Variants in CPAP observed in about 807,000 individuals in gnomAD.
CPAP encodes centrosomal P4.1-associated protein.
the CPAP span, chr13:24,899,360 G>T: frequency 1.5e-6 from 2 of 1,345,890 alleles, no homozygotes; most frequent in Non-Finnish European, 2.1e-6. Flanking sequence ...ACTCTGAGAT[G>T]CTTACAAGAT....
the CPAP span, among the ~76,000 whole-genome samples, chr13:24,923,272 C>T: frequency 6.6e-6 from 1 of 150,466 alleles, no homozygotes; most frequent in Non-Finnish European, 1.5e-5. Context: ...TGCGTACGGT[C>T]TATTTTGTCG....
the CPAP span, chr13:24,912,964 A>C: frequency 6.2e-7 from 1 of 1,614,256 alleles, no homozygotes; most frequent in Non-Finnish European, 8.5e-7. Flanking sequence ...AGGATTGGTC[A>C]TCCACTGGGT....
the CPAP span, among the ~76,000 whole-genome samples, chr13:24,887,039 T>G: frequency 1.3e-4 from 19 of 151,912 alleles, no homozygotes; most frequent in African/African-American, 4.6e-4. Flanking sequence ...ACAGGAAAAC[T>G]GGGGACAGTG....
chr13:24,885,481 T>C, the CPAP span: 7 of 1,178,020 alleles, frequency 5.9e-6, no homozygotes, highest in Non-Finnish European at 6.4e-6. Context: ...TTACAAAATA[T>C]AACATTTATA....
the CPAP span, chr13:24,882,523 T>TAA: frequency 6.6e-6 from 1 of 152,650 alleles, no homozygotes. Flanking sequence ...GTCCATGGGT[T>TAA]AACACTGGCT....
the CPAP span, chr13:24,908,262 A>G: frequency 1.6e-6 from 1 of 639,726 alleles, no homozygotes; most frequent in South Asian, 1.8e-5. Context: ...ACAACACTCA[A>G]GGAATTCTTT....
At chr13:24,909,812 T>C in the CPAP span, 2 of 1,613,022 alleles carry the variant, frequency 1.2e-6, no homozygotes, top group Non-Finnish European at 8.5e-7. Flanking sequence ...TACGGTTTTC[T>C]TCTTTTAAAT....
chr13:24,894,393 G>A, the CPAP span, among the ~76,000 whole-genome samples: 1 of 152,214 alleles, frequency 6.6e-6, no homozygotes, highest in Non-Finnish European at 1.5e-5. Flanking sequence ...ATGATTCGAG[G>A]CCTCTGGCCC....
the CPAP span, among the ~76,000 whole-genome samples, chr13:24,901,178 C>G: frequency 1.3e-5 from 2 of 152,112 alleles, no homozygotes; most frequent in Non-Finnish European, 2.9e-5. Context: ...AAATGTCGAC[C>G]GTGTGCACAC....
At chr13:24,930,269 C>G in the CPAP span, among the ~76,000 whole-genome samples, 1 of 151,608 alleles carries the variant, frequency 6.6e-6, no homozygotes, top group Admixed American at 6.6e-5. Flanking sequence ...CTGTTTGGTT[C>G]CTTTTATAAT....
chr13:24,908,435 C>CAAAAAAAAAA, the CPAP span, among the ~76,000 whole-genome samples: 63 of 80,870 alleles, frequency 7.8e-4, 3 homozygotes, highest in African/African-American at 3.5e-3. Flanking sequence ...CCCGTCTCTA[C>CAAAAAAAAAA]AAAAAAAAAA....
chr13:24,913,113 A>C, the CPAP span: 1 of 1,157,488 alleles, frequency 8.6e-7, no homozygotes, highest in South Asian at 1.3e-5. Flanking sequence ...AATAGCCAAC[A>C]AAATGTATTA....
At chr13:24,927,447 C>T in the CPAP span, among the ~76,000 whole-genome samples, 17 of 152,216 alleles carry the variant, frequency 1.1e-4, no homozygotes, top group African/African-American at 3.9e-4. Context: ...GAGAGTTCTG[C>T]ATGACTTACA....
At chr13:24,929,468 A>G in the CPAP span, among the ~76,000 whole-genome samples, 1 of 152,192 alleles carries the variant, frequency 6.6e-6, no homozygotes, top group Non-Finnish European at 1.5e-5. Context: ...TCTGGCCTCC[A>G]TGGTAATAAA....
the CPAP span, chr13:24,884,385 T>G: frequency 1.9e-6 from 3 of 1,614,104 alleles, no homozygotes; most frequent in Non-Finnish European, 2.5e-6. Flanking sequence ...GTGATGGTCT[T>G]CCCATCTGCA....
At chr13:24,899,354 T>G in the CPAP span, 66 of 1,293,532 alleles carry the variant, frequency 5.1e-5, no homozygotes, top group Non-Finnish European at 6.8e-5. Context: ...GAAATAACTC[T>G]GAGATGCTTA....
At chr13:24,889,741 CCCCACT>C in the CPAP span, among the ~76,000 whole-genome samples, 2 of 152,068 alleles carry the variant, frequency 1.3e-5, no homozygotes, top group Middle Eastern at 3.2e-3. Context: ...CCTGGGTGCT[CCCCACT>C]CCCACTCCCA....
chr13:24,920,667 C>CTAGA, the CPAP span, among the ~76,000 whole-genome samples: 1 of 142,268 alleles, frequency 7.0e-6, no homozygotes, highest in African/African-American at 2.6e-5. Context: ...GTTGCCCAGG[C>CTAGA]TAGAGTGCAG....
the CPAP span, among the ~76,000 whole-genome samples, chr13:24,924,499 AT>A: frequency 6.6e-6 from 1 of 152,192 alleles, no homozygotes; most frequent in East Asian, 1.9e-4. Context: ...AGCCCATGTA[AT>A]TCTCAAAACT....
Sources: gnomAD v4.1 joint callset for allele counts (sites outside exome capture counted in the v4.1 genomes callset) on GRCh38, gnomAD v4.1.1 for gene constraint, MANE v1.5 for transcripts, NCBI Gene and HGNC (gene_info 2026-07-23, HGNC 2026-07-21) for gene names.